The following AVEN variants were observed in gnomAD, a reference collection of about 807,000 sequenced individuals.
The protein encoded by AVEN is cell death regulator Aven.
A neutral mutation model predicts 38.1 loss-of-function variants in AVEN; 41 were observed. The ratio of observed to expected loss-of-function variants is 1.08; its 90% confidence interval spans 0.84 to 1.40. AVEN has a LOEUF of 1.40. Among genes scored for constraint, AVEN ranks in the 40% most tolerant of loss-of-function variants. The pLI is 0.00. For missense variants in AVEN, 605 were observed against 438.8 expected (o/e 1.38, Z -3.38); for synonymous variants, 206 against 171.8 (o/e 1.20, Z -1.56).
chr15:33,865,114 T>C (rs1384401384), downstream of AVEN: 5 of 1,591,330 alleles, frequency 3.1e-6, no homozygotes, highest in East Asian at 2.2e-5. Flanking sequence ...AAGCACCCGT[T>C]GTTCATATTA....
intron 2 of AVEN, among the ~76,000 whole-genome samples, chr15:33,962,985 C>T (rs1409937446): frequency 7.0e-6 from 1 of 143,412 alleles, no homozygotes; most frequent in Non-Finnish European, 1.5e-5. Context: ...AATCATTAAG[C>T]GGATAATGAC....
chr15:33,983,174 ATATACACACGTGTGTG>A (rs1896246942), intron 2 of AVEN, among the ~76,000 whole-genome samples: 1 of 99,618 alleles, frequency 1.0e-5, no homozygotes, highest in African/African-American at 6.3e-5. Context: ...GTGTGTGTAT[ATATACACACGTGTGTG>A]TATGTGTGTG....
At chr15:33,885,282 A>G (rs1042350203) in intron 2 of AVEN, among the ~76,000 whole-genome samples, 1 of 152,202 alleles carries the variant, frequency 6.6e-6, no homozygotes, top group Non-Finnish European at 1.5e-5. Flanking sequence ...CTCATCTATG[A>G]AAGATGACAT....
chr15:33,940,115 T>C (rs1331592923), intron 2 of AVEN, among the ~76,000 whole-genome samples: 1 of 152,194 alleles, frequency 6.6e-6, no homozygotes, highest in Non-Finnish European at 1.5e-5. Flanking sequence ...GCCTGCAGAA[T>C]TATGAGAAAT....
intron 2 of AVEN, among the ~76,000 whole-genome samples, chr15:33,949,750 C>T (rs1221296247): frequency 6.6e-6 from 1 of 152,152 alleles, no homozygotes; most frequent in African/African-American, 2.4e-5. Context: ...CTCAATAAAG[C>T]TGTTTTTAAA....
downstream of AVEN, chr15:33,857,649 C>G: frequency 8.8e-7 from 1 of 1,138,198 alleles, no homozygotes. Flanking sequence ...CTTAGCCGCC[C>G]TCCACCCCTT....
intron 2 of AVEN, among the ~76,000 whole-genome samples, chr15:33,914,754 ACT>A (rs1893057881): frequency 6.6e-6 from 1 of 151,918 alleles, no homozygotes; most frequent in Non-Finnish European, 1.5e-5. Context: ...ACTGGTATGA[ACT>A]CATGATTTTT....
chr15:33,981,531 A>G (rs1249138406), intron 2 of AVEN, among the ~76,000 whole-genome samples: 1 of 152,178 alleles, frequency 6.6e-6, no homozygotes, highest in African/African-American at 2.4e-5. Flanking sequence ...TTCCCAAACA[A>G]TGAAATGGCT....
At chr15:33,864,224 C>CT (rs1567370292), downstream of AVEN, 1 of 1,535,580 alleles carries the variant, frequency 6.5e-7, no homozygotes, top group Non-Finnish European at 8.9e-7. Context: ...CGTGTTAGAT[C>CT]TCCCTTTCCT....
At chr15:33,878,123 A>G (rs1336004384) in intron 2 of AVEN, among the ~76,000 whole-genome samples, 2 of 152,236 alleles carry the variant, frequency 1.3e-5, no homozygotes, top group East Asian at 3.8e-4. Context: ...TCAAGATACC[A>G]ATTTCACCTA....
chr15:33,859,873 C>G (rs1453407532), intron 11 of AVEN: 4 of 925,448 alleles, frequency 4.3e-6, no homozygotes, highest in Non-Finnish European at 6.4e-6. Context: ...TTAGCATCTA[C>G]TATACCTGAG....
At chr15:33,982,114 G>C (rs557548822) in intron 2 of AVEN, among the ~76,000 whole-genome samples, 1 of 151,462 alleles carries the variant, frequency 6.6e-6, no homozygotes, top group Non-Finnish European at 1.5e-5. Flanking sequence ...TGATCCACCC[G>C]CCTCAGCCTC....
chr15:33,867,949 T>A (rs918664051), intron 4 of AVEN, 94 bp from the exon 5 acceptor site: 2 of 1,456,502 alleles, frequency 1.4e-6, no homozygotes, highest in Non-Finnish European at 1.8e-6. Context: ...CCATCAAACT[T>A]TGTGACAGAG....
At chr15:33,961,826 A>C (rs1449383907) in intron 2 of AVEN, among the ~76,000 whole-genome samples, 1 of 150,950 alleles carries the variant, frequency 6.6e-6, no homozygotes. Context: ...AAAAAAAAAA[A>C]AAAAAAAAAA....
chr15:34,017,692 C>T (rs1408187575), intron 1 of AVEN, among the ~76,000 whole-genome samples: 1 of 152,056 alleles, frequency 6.6e-6, no homozygotes, highest in East Asian at 1.9e-4. Context: ...GTTGGCCAGG[C>T]AGGTCTCGAA....
intron 2 of AVEN, among the ~76,000 whole-genome samples, chr15:33,917,674 T>C (rs1450724272): frequency 6.6e-6 from 1 of 151,896 alleles, no homozygotes; most frequent in African/African-American, 2.4e-5. Flanking sequence ...AATGAAATAA[T>C]GGCATTCACA....
chr15:33,857,031 G>A (rs1308077490), downstream of AVEN, among the ~76,000 whole-genome samples: 1 of 152,078 alleles, frequency 6.6e-6, no homozygotes, highest in African/African-American at 2.4e-5. Flanking sequence ...AGCTCTGTAT[G>A]AACAATAACA....
At chr15:33,934,789 T>C (rs754989135) in intron 2 of AVEN, among the ~76,000 whole-genome samples, 7 of 152,212 alleles carry the variant, frequency 4.6e-5, no homozygotes, top group Admixed American at 1.3e-4. Flanking sequence ...ATCAGGTAGA[T>C]ATGTCTCCAA....
chr15:34,027,211 T>C (rs956898712), intron 1 of AVEN, among the ~76,000 whole-genome samples: 2 of 152,004 alleles, frequency 1.3e-5, no homozygotes, highest in Non-Finnish European at 2.9e-5. Flanking sequence ...TCCACTCTAC[T>C]CTGGTCTGCA....
Sources: gnomAD v4.1 joint callset for allele counts (sites outside exome capture counted in the v4.1 genomes callset) on GRCh38, gnomAD v4.1.1 for gene constraint, MANE v1.5 for transcripts, NCBI Gene and HGNC (gene_info 2026-07-23, HGNC 2026-07-21) for gene names.